The following HS6ST3 variants were observed in gnomAD, a reference collection of about 807,000 sequenced individuals.
The protein encoded by HS6ST3 is heparan sulfate 6-O-sulfotransferase 3.
A neutral mutation model predicts 36.7 loss-of-function variants in HS6ST3; 12 were observed. The ratio of observed to expected loss-of-function variants is 0.33; its 90% CI spans 0.21 to 0.53. The LOEUF is 0.53. Among genes scored for constraint, HS6ST3 ranks in the 20% least tolerant of loss-of-function variants. The pLI, the probability that HS6ST3 is intolerant of heterozygous loss-of-function variation, is 0.95. For missense variants in HS6ST3, 584 were observed against 640.9 expected (o/e 0.91, Z 0.96); for synonymous variants, 240 against 257.5 (o/e 0.93, Z 0.65).
At chr13:96,302,250 C>T (rs2054887179) in intron 1 of HS6ST3, among the ~76,000 whole-genome samples, 1 of 152,010 alleles carries the variant, frequency 6.6e-6, no homozygotes, top group African/African-American at 2.4e-5. Flanking sequence ...TCAGATTGTC[C>T]TACAGAGATT....
chr13:96,381,320 A>G (rs149969357), intron 1 of HS6ST3, among the ~76,000 whole-genome samples: 2 of 152,292 alleles, frequency 1.3e-5, no homozygotes, highest in Non-Finnish European at 2.9e-5. Context: ...TGAAGATTGT[A>G]TGTAAAATCT....
chr13:96,208,579 G>A (rs1692373534), intron 1 of HS6ST3, among the ~76,000 whole-genome samples: 1 of 152,154 alleles, frequency 6.6e-6, no homozygotes, highest in Non-Finnish European at 1.5e-5. Flanking sequence ...TCTTTCTCAT[G>A]ACATAGGCCA....
At position 96,091,147 on chromosome 13, in the gene HS6ST3, C is replaced by G; in HGVS notation, c.285C>G (p.Pro95=). The change falls in exon 1 of 2, where the codon CCC becomes CCG. Residue 95 remains proline, a synonymous_variant. Transcript: ENST00000376705. ...AAAPEEEDEE[P]GDPREGEEEE... is the part of the protein sequence containing the mutation. ...CGCCGGAGGAGGAGGACGAGGAGCC[C>G]GGAGACCCCCGGGAGGGGGAGGAAG... is the stretch of plus-strand genomic sequence containing the variant. 2.6e-6 allele frequency: 4 copies of G among 1,519,978 alleles called. No individual in the cohort carries two copies. In the South Asian group the frequency reaches 5.0e-5, roughly 19 times the overall value. 94.2% of individuals were successfully genotyped at this position (1,519,978 alleles called of 1,614,324 possible). A position where few individuals can be genotyped will look rare whatever the true frequency, so the allele number is the denominator to read the frequency against.
chr13:96,658,374 G>C (rs2139017663), intron 1 of HS6ST3, among the ~76,000 whole-genome samples: 1 of 145,168 alleles, frequency 6.9e-6, no homozygotes, highest in Middle Eastern at 3.6e-3. Flanking sequence ...TCTGCCTCCT[G>C]GGTTTAAGTG....
At chr13:96,746,225 T>C (rs951825852) in intron 1 of HS6ST3, among the ~76,000 whole-genome samples, 1 of 152,110 alleles carries the variant, frequency 6.6e-6, no homozygotes, top group African/African-American at 2.4e-5. Flanking sequence ...ATTTTTAATA[T>C]AATTCCAGTT....
intron 1 of HS6ST3, among the ~76,000 whole-genome samples, chr13:96,826,691 G>A (rs375800724): frequency 7.2e-5 from 11 of 152,230 alleles, no homozygotes; most frequent in East Asian, 5.8e-4. Context: ...GTGAGAGAAG[G>A]CAATCATACC....
chr13:96,337,473 C>T (rs1438895010), intron 1 of HS6ST3, among the ~76,000 whole-genome samples: 1 of 152,140 alleles, frequency 6.6e-6, no homozygotes, highest in African/African-American at 2.4e-5. Context: ...GTGAAATGTT[C>T]TATTCCTACA....
chr13:96,125,136 T>C (rs893385413), intron 1 of HS6ST3, among the ~76,000 whole-genome samples: 1 of 152,116 alleles, frequency 6.6e-6, no homozygotes, highest in African/African-American at 2.4e-5. Flanking sequence ...ACTGCAAGGG[T>C]ATCTGAGGTG....
At chr13:96,110,574 C>T (rs2053863483) in intron 1 of HS6ST3, among the ~76,000 whole-genome samples, 2 of 151,820 alleles carry the variant, frequency 1.3e-5, no homozygotes, top group African/African-American at 4.8e-5. Flanking sequence ...GTAGCTGGGA[C>T]TAGAGGTGCC....
At chr13:96,495,097 T>C (rs1467895429) in intron 1 of HS6ST3, among the ~76,000 whole-genome samples, 1 of 152,190 alleles carries the variant, frequency 6.6e-6, no homozygotes, top group African/African-American at 2.4e-5. Context: ...CTAACTGATA[T>C]TATACTCTTC....
chr13:96,459,365 C>T (rs1189096074), intron 1 of HS6ST3, among the ~76,000 whole-genome samples: 1 of 151,800 alleles, frequency 6.6e-6, no homozygotes, highest in Non-Finnish European at 1.5e-5. Context: ...CAAAAAAGGG[C>T]TATCAGAACC....
intron 1 of HS6ST3, among the ~76,000 whole-genome samples, chr13:96,483,088 G>T (rs748994668): frequency 6.6e-6 from 1 of 152,226 alleles, no homozygotes; most frequent in Non-Finnish European, 1.5e-5. Flanking sequence ...AGAGTCATTA[G>T]TTAGAATATC....
chr13:96,608,588 A>G lies in HS6ST3; in HGVS notation c.708-223902A>G, dbSNP rs1004122264. Among the ~76,000 whole-genome samples the G allele has an allele frequency of 3.9e-5, 6 of 152,356 alleles. No homozygotes were observed. In the East Asian group the frequency reaches 5.8e-4, roughly 15 times the overall value. ...TAAAATCCGGATTCTGGAAAACTCT[A>G]TAGGTCAAATTGTCTGGGTTTTCCA... On this transcript the variant is annotated intron_variant, in intron 1 of 1. Transcript: ENST00000376705.
In HS6ST3 at chr13:96,839,373, TAA is replaced by T. The variant is rs1054450351; in HGVS notation, c.*6176_*6177del. ...TCAGTAGATAGTAAATTATTTCTCTTAAGAGATATTTCCTTTTATTTCTGTAC... is the reference window on the plus strand; with the variant it reads ...TCAGTAGATAGTAAATTATTTCTCTTGAGATATTTCCTTTTATTTCTGTAC... On this transcript the variant is annotated 3_prime_UTR_variant, in exon 2 of 2. Coordinates refer to ENST00000376705, the MANE Select transcript of HS6ST3 (RefSeq NM_153456.4). 1 of 152,220 alleles carries T rather than the reference TAA, an allele frequency of 6.6e-6. No homozygotes were observed. The highest frequency in any genetic ancestry group is 2.4e-5 in the African/African-American group (1 of 41,466). 9.4% of individuals were successfully genotyped at this position (152,220 alleles called of 1,614,324 possible). A position where few individuals can be genotyped will look rare whatever the true frequency, so the allele number is the denominator to read the frequency against.
intron 1 of HS6ST3, chr13:96,574,291 A>G: frequency 2.6e-6 from 1 of 385,964 alleles, no homozygotes; most frequent in South Asian, 2.2e-5. Context: ...TTAAGGAAAA[A>G]GGCATCAAAC....
chr13:96,772,560 A>C (rs143761982), intron 1 of HS6ST3, among the ~76,000 whole-genome samples: 2 of 152,300 alleles, frequency 1.3e-5, no homozygotes, highest in East Asian at 1.9e-4. Context: ...AACTTGTTCT[A>C]AGGGCAACGG....
intron 1 of HS6ST3, among the ~76,000 whole-genome samples, chr13:96,800,009 T>TATATATATACAC (rs1878027949): frequency 3.1e-5 from 4 of 128,184 alleles, no homozygotes; most frequent in Non-Finnish European, 6.5e-5. Context: ...TATATATATA[T>TATATATATACAC]ATATGTATAT....
chr13:96,466,212 C>T (rs1211719872), intron 1 of HS6ST3, among the ~76,000 whole-genome samples: 1 of 151,952 alleles, frequency 6.6e-6, no homozygotes, highest in East Asian at 1.9e-4. Flanking sequence ...ACCCGGGAGG[C>T]GGAGGTTGCA....
intron 1 of HS6ST3, among the ~76,000 whole-genome samples, chr13:96,218,461 G>A (rs891529246): frequency 2.0e-5 from 3 of 152,166 alleles, no homozygotes; most frequent in Admixed American, 6.5e-5. Context: ...ATCTGGCAGC[G>A]AATGGCTGTG....
Sources: gnomAD v4.1 joint callset for allele counts (sites outside exome capture counted in the v4.1 genomes callset) on GRCh38, gnomAD v4.1.1 for gene constraint, MANE v1.5 for transcripts, NCBI Gene and HGNC (gene_info 2026-07-23, HGNC 2026-07-21) for gene names.